TSHZ2: variants seen among roughly 807,000 people sequenced by gnomAD.
TSHZ2 encodes the protein teashirt homolog 2.
A neutral mutation model predicts 74.4 loss-of-function variants in TSHZ2; 21 were observed. The observed-to-expected ratio is 0.28, with a 90% CI of 0.20 to 0.41. TSHZ2 has a LOEUF of 0.41. TSHZ2 is among the 10% of genes least tolerant of loss of function. The probability of loss-of-function intolerance (pLI) is 1.00; values close to 1 mark genes in which losing one functional copy is unlikely to be tolerated. For synonymous variants in TSHZ2, 540 were observed against 515.3 expected, an observed-to-expected ratio of 1.05 and a Z score of -0.65; for missense variants, 1,244 against 1,293.5, an observed-to-expected ratio of 0.96 and a Z score of 0.59.
intron 2 of TSHZ2, among the ~76,000 whole-genome samples, chr20:53,286,904 C>T (rs912433440): frequency 6.6e-6 from 1 of 151,490 alleles, no homozygotes; most frequent in Non-Finnish European, 1.5e-5. Flanking sequence ...CACACACACA[C>T]ACACACACAC....
At chr20:53,312,761 GA>G (rs1331228101) in intron 2 of TSHZ2, among the ~76,000 whole-genome samples, 3 of 152,210 alleles carry the variant, frequency 2.0e-5, no homozygotes, top group African/African-American at 7.2e-5. Context: ...AAAATATGAT[GA>G]CCCTGTGTGG....
intron 2 of TSHZ2, among the ~76,000 whole-genome samples, chr20:53,333,725 G>A (rs1979826031): frequency 6.6e-6 from 1 of 152,198 alleles, no homozygotes; most frequent in Admixed American, 6.5e-5. Context: ...CAAAGTGCTG[G>A]GATTACAGGC....
At chr20:53,043,991 C>T (rs1984137398) in intron 1 of TSHZ2, among the ~76,000 whole-genome samples, 1 of 152,136 alleles carries the variant, frequency 6.6e-6, no homozygotes. Flanking sequence ...CTAAGTAATC[C>T]TTCATTCTCT....
At chr20:53,287,529 C>T (rs760920454) in intron 2 of TSHZ2, among the ~76,000 whole-genome samples, 1 of 152,206 alleles carries the variant, frequency 6.6e-6, no homozygotes, top group Non-Finnish European at 1.5e-5. Context: ...TGAAACTGAA[C>T]CCACCGCATC....
At chr20:53,353,826 C>T (rs931599612) in intron 2 of TSHZ2, among the ~76,000 whole-genome samples, 5 of 152,270 alleles carry the variant, frequency 3.3e-5, no homozygotes, top group East Asian at 1.9e-4. Flanking sequence ...ATATGAAAGA[C>T]GAATGGACAT....
intron 1 of TSHZ2, among the ~76,000 whole-genome samples, chr20:53,169,390 A>G (rs577334554): frequency 8.9e-4 from 136 of 152,272 alleles, no homozygotes; most frequent in African/African-American, 3.1e-3. Context: ...TCCTTGACCA[A>G]TGCTCCACAC....
intron 2 of TSHZ2, among the ~76,000 whole-genome samples, chr20:53,463,675 G>T (rs1175109285): frequency 6.6e-6 from 1 of 152,142 alleles, no homozygotes; most frequent in African/African-American, 2.4e-5. Context: ...AAAACCCCGG[G>T]CCCAAGTCAT....
chr20:53,369,870 T>C (rs1981405674), intron 2 of TSHZ2, among the ~76,000 whole-genome samples: 1 of 152,238 alleles, frequency 6.6e-6, no homozygotes, highest in African/African-American at 2.4e-5. Context: ...TTATTTGTAC[T>C]CTGAGCTTGT....
At chr20:53,442,381 C>A (rs1406029677) in intron 2 of TSHZ2, among the ~76,000 whole-genome samples, 2 of 152,064 alleles carry the variant, frequency 1.3e-5, no homozygotes, top group Non-Finnish European at 2.9e-5. Flanking sequence ...ATTCATTTTT[C>A]TTTTTCCTTT....
intron 2 of TSHZ2, among the ~76,000 whole-genome samples, chr20:53,307,916 T>A (rs1978613361): frequency 2.0e-5 from 3 of 152,112 alleles, no homozygotes; most frequent in African/African-American, 7.2e-5. Context: ...AGAGCCCAGA[T>A]CCTCTGTAGC....
At chr20:53,262,251 T>C (rs1044434840) in intron 2 of TSHZ2, among the ~76,000 whole-genome samples, 1 of 152,142 alleles carries the variant, frequency 6.6e-6, no homozygotes, top group Non-Finnish European at 1.5e-5. Flanking sequence ...GTTTAAAGCT[T>C]TCCACGATGC....
At chr20:53,142,534 G>A (rs1253463501) in intron 1 of TSHZ2, among the ~76,000 whole-genome samples, 2 of 152,230 alleles carry the variant, frequency 1.3e-5, no homozygotes, top group Non-Finnish European at 2.9e-5. Context: ...GGAAGATAAG[G>A]CCAGAGGATG....
At chr20:53,276,386 C>T (rs1019001912) in intron 2 of TSHZ2, among the ~76,000 whole-genome samples, 10 of 152,078 alleles carry the variant, frequency 6.6e-5, no homozygotes, top group African/African-American at 2.4e-4. Flanking sequence ...AACTGGAATG[C>T]GAACAGGGCA....
Position 53,286,456 on chromosome 20 carries a change from T to C in TSHZ2, c.*8+29885T>C, listed in dbSNP as rs548585993. Among the ~76,000 whole-genome samples the C allele has an allele frequency of 3.3e-5, 5 of 152,296 alleles. No homozygotes were observed. The South Asian group carries it at 1.0e-3, about 32-fold the overall frequency. On this transcript the variant is annotated intron_variant, in intron 2 of 2. Coordinates refer to ENST00000371497, the MANE Select transcript of TSHZ2 (RefSeq NM_173485.6). ...TTCAGGGCATTTTCCCTAGTAAGGG[T>C]ATGATGAAAATCCAGTTGTTTTTTG... is the stretch of plus-strand genomic sequence containing the variant.
At chr20:53,475,801 A>G (rs1424824245) in intron 2 of TSHZ2, among the ~76,000 whole-genome samples, 3 of 140,042 alleles carry the variant, frequency 2.1e-5, no homozygotes, top group Non-Finnish European at 4.6e-5. Flanking sequence ...AATCAAATAG[A>G]CGCAATAAAA....
chr20:53,102,706 GTTTAATA>G (rs1315513879), intron 1 of TSHZ2, among the ~76,000 whole-genome samples: 1 of 152,094 alleles, frequency 6.6e-6, no homozygotes, highest in Non-Finnish European at 1.5e-5. Flanking sequence ...CCCCCATCTT[GTTTAATA>G]TTTAATATGT....
chr20:53,033,265 C>T (rs1303063256), intron 1 of TSHZ2, among the ~76,000 whole-genome samples: 1 of 152,168 alleles, frequency 6.6e-6, no homozygotes, highest in African/African-American at 2.4e-5. Flanking sequence ...GTGGAACCGG[C>T]TGAAAGCAGG....
intron 2 of TSHZ2, among the ~76,000 whole-genome samples, chr20:53,384,631 G>C (rs1013835588): frequency 6.6e-6 from 1 of 152,158 alleles, no homozygotes; most frequent in African/African-American, 2.4e-5. Flanking sequence ...TTTATAAAGT[G>C]ATTGTGAGGC....
intron 2 of TSHZ2, among the ~76,000 whole-genome samples, chr20:53,457,752 A>G (rs1219322946): frequency 1.3e-5 from 2 of 151,678 alleles, no homozygotes; most frequent in African/African-American, 2.4e-5. Context: ...TAATTTATTG[A>G]GAGTTTTTAG....
Sources: allele counts gnomAD v4.1 joint callset (sites outside exome capture counted in the v4.1 genomes callset), GRCh38; gene constraint gnomAD v4.1.1; transcripts MANE v1.5; gene names NCBI Gene and HGNC (gene_info 2026-07-23, HGNC 2026-07-21).